The following PTPRD variants were observed in gnomAD, a reference collection of about 807,000 sequenced individuals.
PTPRD encodes the protein protein tyrosine phosphatase receptor type D, also known as receptor-type tyrosine-protein phosphatase delta.
In PTPRD, 34 loss-of-function variants were observed where a neutral mutation model predicts 214.5. The observed-to-expected ratio is 0.16, with a 90% CI of 0.12 to 0.21. The LOEUF (loss-of-function observed/expected upper bound fraction) is 0.21, where lower values mean the gene tolerates loss of function less well. Ranked by LOEUF, PTPRD falls within the 10% of genes least tolerant of loss-of-function variation. PTPRD has a pLI of 1.00. For missense variants in PTPRD, 2,545 were observed against 2,398.7 expected, an observed-to-expected ratio of 1.06 and a Z score of -1.27; for synonymous variants, 1,128 against 845.7, an observed-to-expected ratio of 1.33 and a Z score of -5.79.
At chr9:8,868,151 C>T (rs1489118794) in intron 11 of PTPRD, among the ~76,000 whole-genome samples, 1 of 152,002 alleles carries the variant, frequency 6.6e-6, no homozygotes, top group African/African-American at 2.4e-5. Context: ...CGCATACTAG[C>T]TGAACTGGAT....
intron 11 of PTPRD, among the ~76,000 whole-genome samples, chr9:8,968,028 G>C (rs1567299468): frequency 6.6e-6 from 1 of 151,822 alleles, no homozygotes; most frequent in African/African-American, 2.4e-5. Context: ...CCCTGCGATA[G>C]TTTGCTGAGA....
At chr9:8,366,945 T>A (rs1468732128) in intron 39 of PTPRD, among the ~76,000 whole-genome samples, 1 of 152,222 alleles carries the variant, frequency 6.6e-6, no homozygotes, top group Non-Finnish European at 1.5e-5. Flanking sequence ...GAACTCCTTC[T>A]TGGCAGTAGA....
chr9:10,197,680 G>C (rs935441891), intron 3 of PTPRD, among the ~76,000 whole-genome samples: 9 of 152,126 alleles, frequency 5.9e-5, no homozygotes, highest in South Asian at 2.1e-4. Flanking sequence ...CCAGTAGGTA[G>C]TGTTAGAAGC....
chr9:8,884,320 G>T (rs1039220240), intron 11 of PTPRD, among the ~76,000 whole-genome samples: 2 of 152,210 alleles, frequency 1.3e-5, no homozygotes, highest in South Asian at 4.1e-4. Context: ...TCGATTGCCT[G>T]TTGCTGTTTA....
intron 21 of PTPRD, among the ~76,000 whole-genome samples, chr9:8,508,230 T>G (rs1021395575): frequency 1.3e-5 from 2 of 152,194 alleles, no homozygotes; most frequent in Non-Finnish European, 2.9e-5. Flanking sequence ...AACAGACAAT[T>G]TGGAAGAGCT....
intron 11 of PTPRD, among the ~76,000 whole-genome samples, chr9:9,007,022 C>T (rs1011538167): frequency 6.6e-6 from 1 of 151,792 alleles, no homozygotes; most frequent in African/African-American, 2.4e-5. Context: ...CTATTTATAG[C>T]AAGTAAAAAG....
intron 8 of PTPRD, among the ~76,000 whole-genome samples, chr9:9,438,748 G>T: frequency 6.6e-6 from 1 of 152,196 alleles, no homozygotes; most frequent in Admixed American, 6.5e-5. Context: ...AGAAAATTAT[G>T]TACTAATATT....
At chr9:10,305,779 C>T (rs1322626281) in intron 3 of PTPRD, among the ~76,000 whole-genome samples, 1 of 151,986 alleles carries the variant, frequency 6.6e-6, no homozygotes, top group Non-Finnish European at 1.5e-5. Flanking sequence ...ACAACAGATG[C>T]CGGAGAGGAT....
intron 12 of PTPRD, among the ~76,000 whole-genome samples, chr9:8,640,916 C>T (rs2096563111): frequency 7.5e-6 from 1 of 133,434 alleles, no homozygotes; most frequent in African/African-American, 4.1e-5. Flanking sequence ...GCTGGTCAAA[C>T]TCTCAGATGG....
At chr9:10,457,147 T>C (rs187906847) in intron 2 of PTPRD, among the ~76,000 whole-genome samples, 2 of 152,096 alleles carry the variant, frequency 1.3e-5, no homozygotes, top group Admixed American at 6.6e-5. Context: ...ATATCTTAAA[T>C]GTAGAGCTGG....
chr9:10,471,754 C>T (rs955735212), intron 2 of PTPRD, among the ~76,000 whole-genome samples: 29 of 151,700 alleles, frequency 1.9e-4, no homozygotes, highest in African/African-American at 4.8e-4. Context: ...TAAGTATAAC[C>T]ATAACATATT....
In PTPRD at chr9:8,953,541, T is replaced by C. The variant is rs574799343; in HGVS notation, c.-104+65156A>G. On this transcript the variant is annotated intron_variant, in intron 11 of 45. Coordinates refer to ENST00000381196, the MANE Select transcript of PTPRD (RefSeq NM_002839.4). ...AGCTTCTGCACAGCAAGAGAAATTA[T>C]CAAGGGAGTAAACAGACAACCTACA... is the stretch of plus-strand genomic sequence containing the variant. Among the ~76,000 whole-genome samples, 3 of 152,078 alleles carry C rather than the reference T, an allele frequency of 2.0e-5. No individual in the cohort carries two copies. In the South Asian group the frequency reaches 6.2e-4, roughly 32 times the overall value.
intron 7 of PTPRD, among the ~76,000 whole-genome samples, chr9:9,637,532 A>G (rs967347471): frequency 1.3e-5 from 2 of 152,208 alleles, no homozygotes; most frequent in Non-Finnish European, 1.5e-5. Flanking sequence ...TTACTCATTT[A>G]CACACCTTCC....
chr9:10,247,434 G>A (rs1279400631), intron 3 of PTPRD, among the ~76,000 whole-genome samples: 1 of 152,164 alleles, frequency 6.6e-6, no homozygotes, highest in Non-Finnish European at 1.5e-5. Context: ...GAGACAAAAT[G>A]TAGTTTTATA....
In PTPRD at chr9:9,275,137, A is replaced by T. The variant is rs13300078; in HGVS notation, c.-202-91774T>A. The stretch of plus-strand genomic sequence containing the variant: ...ATATATATTATATATATTATATATA[A>T]TATATATATAATATATTATATATAT... On this transcript the variant is annotated intron_variant, in intron 9 of 45. Coordinates refer to ENST00000381196, the MANE Select transcript of PTPRD (RefSeq NM_002839.4). 4.6e-3 allele frequency among the ~76,000 whole-genome samples: 230 copies of T among 50,304 alleles called. 2 individuals are homozygous for T. The highest frequency in any genetic ancestry group is 7.3e-3 in the South Asian group (16 of 2,206). The allele number at this position is 50,304 out of a possible 152,430, so 33.0% of individuals were successfully genotyped here. A position where few individuals can be genotyped will look rare whatever the true frequency, so the allele number is the denominator to read the frequency against.
intron 14 of PTPRD, among the ~76,000 whole-genome samples, chr9:8,615,019 G>C (rs1437418448): frequency 6.6e-6 from 1 of 152,090 alleles, no homozygotes; most frequent in Non-Finnish European, 1.5e-5. Flanking sequence ...CTCCATCTGA[G>C]GGGTGAGAAA....
intron 5 of PTPRD, among the ~76,000 whole-genome samples, chr9:9,791,928 T>A (rs2098970291): frequency 6.6e-6 from 1 of 152,178 alleles, no homozygotes; most frequent in Non-Finnish European, 1.5e-5. Context: ...ACCTTGAATT[T>A]TTTTTTATGT....
intron 9 of PTPRD, among the ~76,000 whole-genome samples, chr9:9,335,290 T>G (rs980854049): frequency 6.6e-6 from 1 of 152,076 alleles, no homozygotes; most frequent in African/African-American, 2.4e-5. Context: ...CTGATCATTC[T>G]TCCATAATTA....
At chr9:9,431,926 G>A (rs146529687) in intron 8 of PTPRD, among the ~76,000 whole-genome samples, 6,859 of 115,128 alleles carry the variant, frequency 0.06, 281 homozygotes, top group Middle Eastern at 0.19. Context: ...GGGGGGAGGG[G>A]TAGCATTAGA....
Sources: allele counts gnomAD v4.1 joint callset (sites outside exome capture counted in the v4.1 genomes callset), GRCh38; gene constraint gnomAD v4.1.1; transcripts MANE v1.5; gene names NCBI Gene and HGNC (gene_info 2026-07-23, HGNC 2026-07-21).